The following CELF6 variants were observed in gnomAD, a reference collection of about 807,000 sequenced individuals.
CELF6 encodes CUGBP Elav-like family member 6.
Under a neutral mutation model 53.1 loss-of-function variants are expected in CELF6, and 32 were observed. The observed-to-expected ratio is 0.60, with a 90% CI of 0.46 to 0.81. The LOEUF is 0.81. Ranked by LOEUF, CELF6 falls within the 30% of genes least tolerant of loss-of-function variation. The probability of loss-of-function intolerance (pLI) is 0.00; values close to 1 mark genes in which losing one functional copy is unlikely to be tolerated. For synonymous variants in CELF6, 291 were observed against 288.8 expected (o/e 1.01, Z -0.08); for missense variants, 539 against 669.5 (o/e 0.81, Z 2.15).
At chr15:72,314,201 G>A (rs550015313) in intron 2 of CELF6, among the ~76,000 whole-genome samples, 11 of 152,332 alleles carry the variant, frequency 7.2e-5, no homozygotes, top group African/African-American at 2.6e-4. Context: ...AGCTCTTGGC[G>A]AAGCTTGCTC....
Position 72,288,410 on chromosome 15 carries a change from C to G in CELF6, c.1216G>C (p.Glu406Gln), listed in dbSNP as rs2087948943. The G allele has an allele frequency of 6.2e-7, 1 of 1,614,202 alleles. No individual in the cohort carries two copies. The highest frequency in any genetic ancestry group is 8.5e-7 in the Non-Finnish European group (1 of 1,180,032). Residue 406 changes from glutamate (E) to glutamine (Q), a missense_variant, in exon 11 of 13, where the codon GAG (glutamate) becomes CAG (glutamine). Physicochemically the swap from Glu to Gln is conservative, Grantham distance 29 (BLOSUM62 2). Coordinates refer to ENST00000287202, the MANE Select transcript of CELF6 (RefSeq NM_052840.5). The surrounding 1 kb of genome is among the most constrained non-coding windows in gnomAD (Gnocchi z 4.6). ...CNLFIYHLPQEFGDAELIQTF... is the reference protein window; with the variant it reads ...CNLFIYHLPQQFGDAELIQTF... ...TGTATGAGTTCCGCATCACCAAACT[C>G]CTGAGGCAGGTGATAGATGAAGAGG...
In CELF6 at chr15:72,319,988, G is replaced by A. The variant is rs1011047685; in HGVS notation, c.-114C>T. On this transcript the variant is annotated 5_prime_UTR_variant, in exon 1 of 13. Coordinates refer to ENST00000287202, the MANE Select transcript of CELF6 (RefSeq NM_052840.5). This position sits in a 1 kb window ranked among gnomAD's most constrained non-coding sequence, Gnocchi z 5.0. ...AGGGGGCGGAGCCCGGGCGGAGAGG[G>A]CGGGGGGCTGCCCAGGGGGCGGGGT... 1.6e-6 allele frequency: 2 copies of A among 1,264,288 alleles called. No homozygotes were observed. Among genetic ancestry groups the A allele is most frequent in the Non-Finnish European group, 2.1e-6 (2 of 959,254 alleles). The allele number at this position is 1,264,288 out of a possible 1,614,324, so 78.3% of individuals were successfully genotyped here.
chr15:72,290,718 G>A (rs1020254983), intron 3 of CELF6, among the ~76,000 whole-genome samples: 3 of 152,194 alleles, frequency 2.0e-5, no homozygotes, highest in Non-Finnish European at 4.4e-5. Flanking sequence ...CAGCCTGATA[G>A]TGCTGGCTAG....
chr15:72,313,664 C>G (rs2088328633), intron 2 of CELF6: 4 of 651,336 alleles, frequency 6.1e-6, no homozygotes, highest in African/African-American at 5.9e-5. Flanking sequence ...TCACACCCAC[C>G]TGTTCCTTCT....
chr15:72,297,518 G>A (rs2088096402), intron 3 of CELF6, among the ~76,000 whole-genome samples: 2 of 152,082 alleles, frequency 1.3e-5, no homozygotes, highest in African/African-American at 2.4e-5. Flanking sequence ...ACAGATGAAC[G>A]GATAAACAAA....
In CELF6 at chr15:72,319,493, G is replaced by A. The variant is rs1195869446; in HGVS notation, c.262+120C>T. The A allele has an allele frequency of 2.7e-5, 30 of 1,102,668 alleles. No homozygotes were observed. Among genetic ancestry groups the A allele is most frequent in the Non-Finnish European group, 3.4e-5 (27 of 794,770 alleles). The allele number at this position is 1,102,668 out of a possible 1,614,324, so 68.3% of individuals were successfully genotyped here. A position where few individuals can be genotyped will look rare whatever the true frequency, so the allele number is the denominator to read the frequency against. ...CTGGGAAGGGGGCTGGGCTGAGGTG[G>A]GGCTGATATTGGACTGGTGTTGGAC... On this transcript the variant is annotated intron_variant, in intron 1 of 12. Transcript: ENST00000287202. The surrounding 1 kb of genome is among the most constrained non-coding windows in gnomAD (Gnocchi z 5.0).
At chr15:72,318,610 C>A (rs2140309824) in intron 1 of CELF6, among the ~76,000 whole-genome samples, 1 of 152,292 alleles carries the variant, frequency 6.6e-6, no homozygotes, top group Non-Finnish European at 1.5e-5. Flanking sequence ...GTAAACAAGC[C>A]TCCTCCCTCT....
intron 3 of CELF6, among the ~76,000 whole-genome samples, chr15:72,290,750 A>G (rs1034265976): frequency 1.3e-5 from 2 of 152,094 alleles, no homozygotes; most frequent in Non-Finnish European, 2.9e-5. Flanking sequence ...CTTCCTGCTA[A>G]TATCAAGGAG....
chr15:72,307,777 A>G (rs1361466790), intron 2 of CELF6, among the ~76,000 whole-genome samples: 1 of 152,240 alleles, frequency 6.6e-6, no homozygotes, highest in African/African-American at 2.4e-5. Context: ...TGCAAGGTCA[A>G]GAGCTGTGGA....
At chr15:72,292,262 G>C (rs1254012813) in intron 3 of CELF6, 4 of 1,533,954 alleles carry the variant, frequency 2.6e-6, no homozygotes, top group Non-Finnish European at 1.7e-6. Context: ...TCCTGTTCAG[G>C]AGCCTGAGAA....
At chr15:72,299,185 G>A (rs61481811) in intron 3 of CELF6, among the ~76,000 whole-genome samples, 17,875 of 150,664 alleles carry the variant, frequency 0.12, 2,256 homozygotes, top group African/African-American at 0.31. Flanking sequence ...GCAGTGAGCC[G>A]AGATCATGCC....
chr15:72,314,323 T>C (rs764027057), intron 2 of CELF6, among the ~76,000 whole-genome samples: 6 of 152,138 alleles, frequency 3.9e-5, no homozygotes, highest in African/African-American at 1.4e-4. Flanking sequence ...GGATCACTCA[T>C]AGAAAACCAA....
chr15:72,309,794 C>A (rs1282751061), intron 2 of CELF6, among the ~76,000 whole-genome samples: 1 of 152,166 alleles, frequency 6.6e-6, no homozygotes, highest in African/African-American at 2.4e-5. Context: ...AGGACATTGC[C>A]TCCCAGGCCA....
chr15:72,305,136 G>A (rs899150128), intron 2 of CELF6, among the ~76,000 whole-genome samples: 1 of 152,148 alleles, frequency 6.6e-6, no homozygotes, highest in Non-Finnish European at 1.5e-5. Flanking sequence ...TTGCATGAGA[G>A]GATTGGGAAG....
Position 72,288,437 on chromosome 15 carries a change from T to C in CELF6, c.1189A>G (p.Asn397Asp). 6.2e-7 allele frequency: 1 copy of C among 1,614,176 alleles called. No homozygotes were observed. The highest frequency in any genetic ancestry group is 1.3e-5 in the African/African-American group (1 of 75,056). ...TGAGGCAGGTGATAGATGAAGAGGT[T>C]ACAGCCTTCGGGGCCTGGAGGAACA... is the stretch of plus-strand genomic sequence containing the variant. ...QQQREGPEGC[N>D]LFIYHLPQEF... The change falls in exon 11 of 13, where the codon AAC becomes GAC. Residue 397 changes from asparagine (N) to aspartate (D), a missense_variant. Asn to Asp is a conservative substitution (Grantham distance 23). Coordinates refer to ENST00000287202, the MANE Select transcript of CELF6 (RefSeq NM_052840.5). The surrounding 1 kb of genome is among the most constrained non-coding windows in gnomAD (Gnocchi z 4.6).
At chr15:72,292,258 T>C in intron 3 of CELF6, 2 of 1,534,812 alleles carry the variant, frequency 1.3e-6, no homozygotes, top group Non-Finnish European at 1.7e-6. Flanking sequence ...ATCATCCTGT[T>C]CAGGAGCCTG....
In CELF6 at chr15:72,303,663, C is replaced by T. The variant is rs114098326; in HGVS notation, c.394+1083G>A. On this transcript the variant is annotated intron_variant, in intron 3 of 12. Coordinates refer to ENST00000287202, the MANE Select transcript of CELF6 (RefSeq NM_052840.5). The stretch of plus-strand genomic sequence containing the variant: ...GGGTTAGACAGGAAGAGAGTCTTAC[C>T]CAAGATAAAGAGTCAGCAGACATCA... 5.2e-3 allele frequency among the ~76,000 whole-genome samples: 797 copies of T among 152,074 alleles called. 8 individuals carry two copies. The highest frequency in any genetic ancestry group is 0.018 in the African/African-American group (760 of 41,472).
At position 72,289,570 on chromosome 15, in the gene CELF6, GC is replaced by G; in HGVS notation, c.747+56del. The G allele has an allele frequency of 6.8e-7, 1 of 1,478,542 alleles. No individual in the cohort carries two copies. Among genetic ancestry groups the G allele is most frequent in the Non-Finnish European group, 8.9e-7 (1 of 1,120,762 alleles). The allele number at this position is 1,478,542 out of a possible 1,614,324, so 91.6% of individuals were successfully genotyped here. ...GGGCAGGCAGCTGCCCGTGCTCTCA[GC>G]CCCAGGCCTGGCCCACCCACCTGCG... On this transcript the variant is annotated intron_variant, in intron 6 of 12. Transcript: ENST00000287202. This position sits in a 1 kb window ranked among gnomAD's most constrained non-coding sequence, Gnocchi z 7.6.
chr15:72,288,340 A>G lies in CELF6; in HGVS notation c.1286T>C (p.Val429Ala). The G allele has an allele frequency of 6.2e-7, 1 of 1,614,204 alleles. No individual in the cohort carries two copies. Among genetic ancestry groups the G allele is most frequent in the Non-Finnish European group, 8.5e-7 (1 of 1,180,036 alleles). ...FGAVVSAKVFVDRATNQSKCF... is the reference protein window; with the variant it reads ...FGAVVSAKVFADRATNQSKCF... The stretch of plus-strand genomic sequence containing the variant: ...CTTGCTCTGGTTGGTGGCTCGATCC[A>G]CAAAGACTTTAGCAGAGACAACGGC... Residue 429 changes from valine (V) to alanine (A), a missense_variant, in exon 11 of 13, where the codon GTG becomes GCG. By Grantham distance (64) the Val-to-Ala change is moderately conservative. This residue lies in a region of CELF6 where 358 missense variants were observed against 412.8 expected (regional missense o/e 0.87). Transcript: ENST00000287202. The surrounding 1 kb of genome is among the most constrained non-coding windows in gnomAD (Gnocchi z 4.6).
Sources: gnomAD v4.1 joint callset for allele counts (sites outside exome capture counted in the v4.1 genomes callset) on GRCh38, gnomAD v4.1.1 for gene constraint, gnomAD v4.1.1 regional missense constraint, Gnocchi (gnomAD v3.1) non-coding constraint, MANE v1.5 for transcripts, NCBI Gene and HGNC (gene_info 2026-07-23, HGNC 2026-07-21) for gene names.